The following IL1RAPL2 variants were observed in gnomAD, a reference collection of about 807,000 sequenced individuals.
IL1RAPL2 encodes X-linked interleukin-1 receptor accessory protein-like 2.
A neutral mutation model predicts 44.1 loss-of-function variants in IL1RAPL2; 3 were observed. That is an observed-to-expected ratio of 0.07 (90% confidence interval 0.03 to 0.18). The LOEUF (loss-of-function observed/expected upper bound fraction) is 0.18. Among genes scored for constraint, IL1RAPL2 ranks in the 10% least tolerant of loss-of-function variants. IL1RAPL2 has a pLI of 1.00. For synonymous variants in IL1RAPL2, 181 were observed against 178.8 expected (o/e 1.01, Z -0.10); for missense variants, 391 against 496.4 (o/e 0.79, Z 2.02).
intron 5 of IL1RAPL2, among the ~76,000 whole-genome samples, chrX:105,357,252 A>G (rs1228092686): frequency 8.9e-6 from 1 of 111,829 alleles, no homozygotes; most frequent in East Asian, 2.8e-4. Flanking sequence ...TAGATGAGAT[A>G]ATACATTTAT....
chrX:105,505,156 G>A (rs1011355104), intron 6 of IL1RAPL2, among the ~76,000 whole-genome samples: 2 of 110,757 alleles, frequency 1.8e-5, no homozygotes, highest in Non-Finnish European at 3.8e-5. Flanking sequence ...ACTAATCTCC[G>A]TAAATTTTAA....
At chrX:105,054,168 T>C (rs1039280619) in intron 2 of IL1RAPL2, among the ~76,000 whole-genome samples, 4 of 109,651 alleles carry the variant, frequency 3.6e-5, no homozygotes, top group Admixed American at 9.8e-5. Flanking sequence ...CACACACACA[T>C]ACACACGCAT....
chrX:104,729,322 C>T (rs61247728), intron 2 of IL1RAPL2, among the ~76,000 whole-genome samples: 1 of 110,305 alleles, frequency 9.1e-6, no homozygotes, highest in Non-Finnish European at 1.9e-5. Context: ...GCTTGATCAT[C>T]GTCCCAACTA....
chrX:105,708,959 A>G (rs760256009), intron 6 of IL1RAPL2, among the ~76,000 whole-genome samples: 132 of 112,430 alleles, frequency 1.2e-3, no homozygotes, highest in Non-Finnish European at 3.9e-4. Flanking sequence ...TTTTGCAACT[A>G]TATGCACATT....
intron 2 of IL1RAPL2, among the ~76,000 whole-genome samples, chrX:104,793,767 C>G (rs2147609250): frequency 9.0e-6 from 1 of 111,569 alleles, no homozygotes; most frequent in African/African-American, 3.3e-5. Context: ...TCCTCCTGCA[C>G]CATCACCATT....
intron 5 of IL1RAPL2, among the ~76,000 whole-genome samples, chrX:105,463,218 A>G (rs771118412): frequency 1.8e-5 from 2 of 110,962 alleles, no homozygotes; most frequent in African/African-American, 6.6e-5. Context: ...TTTTCCCTTT[A>G]TTAATAAGTA....
In IL1RAPL2 at chrX:104,797,018, C is replaced by T. The variant is rs753699598; in HGVS notation, c.82+138023C>T. 1.5e-3 allele frequency among the ~76,000 whole-genome samples: 166 copies of T among 110,704 alleles called. 1 individual carries two copies. Among genetic ancestry groups the T allele is most frequent in the African/African-American group, 5.1e-3 (154 of 30,372 alleles). On this transcript the variant is annotated intron_variant, in intron 2 of 10. Transcript: ENST00000372582. ...ACTCCTGACCTCAGGTGATCCCGCCCGCCTCGGCCTCCCAAAGTGCTGGGA... is the reference window on the plus strand; with the variant it reads ...ACTCCTGACCTCAGGTGATCCCGCCTGCCTCGGCCTCCCAAAGTGCTGGGA...
intron 2 of IL1RAPL2, among the ~76,000 whole-genome samples, chrX:104,978,651 T>C (rs1319629892): frequency 4.5e-5 from 5 of 111,659 alleles, no homozygotes; most frequent in Non-Finnish European, 7.5e-5. Flanking sequence ...CAAATGTCAT[T>C]ATATACCTGG....
At chrX:104,754,656 A>G (rs1280432942) in intron 2 of IL1RAPL2, among the ~76,000 whole-genome samples, 1 of 111,733 alleles carries the variant, frequency 8.9e-6, no homozygotes, top group Non-Finnish European at 1.9e-5. Flanking sequence ...GGATATGACA[A>G]TATGATATTT....
At chrX:105,558,675 G>A (rs1408499604) in intron 6 of IL1RAPL2, among the ~76,000 whole-genome samples, 1 of 112,123 alleles carries the variant, frequency 8.9e-6, no homozygotes, top group Non-Finnish European at 1.9e-5. Flanking sequence ...CTCAAACTTT[G>A]TGTACTTTCT....
At chrX:105,640,753 GAT>G (rs1424502272) in intron 6 of IL1RAPL2, among the ~76,000 whole-genome samples, 9 of 27,538 alleles carry the variant, frequency 3.3e-4, no homozygotes, top group East Asian at 2.2e-3. Context: ...GATAGATATA[GAT>G]ATAGATATAG....
chrX:104,634,255 T>C (rs956461095), intron 1 of IL1RAPL2, among the ~76,000 whole-genome samples: 2 of 111,798 alleles, frequency 1.8e-5, no homozygotes, highest in Admixed American at 9.5e-5. Flanking sequence ...AGGAGTGGTT[T>C]ACTTCCAACT....
intron 2 of IL1RAPL2, among the ~76,000 whole-genome samples, chrX:104,998,499 C>G (rs1434453250): frequency 9.0e-6 from 1 of 111,610 alleles, no homozygotes; most frequent in Non-Finnish European, 1.9e-5. Context: ...GTACACCAGT[C>G]TCAGTGGCTC....
At chrX:105,353,951 C>G (rs2035179236) in intron 5 of IL1RAPL2, among the ~76,000 whole-genome samples, 1 of 110,747 alleles carries the variant, frequency 9.0e-6, no homozygotes, top group Non-Finnish European at 1.9e-5. Flanking sequence ...TTGCCCTGGC[C>G]AGAACTTCCA....
chrX:105,730,575 A>C (rs2038397981), intron 7 of IL1RAPL2, among the ~76,000 whole-genome samples: 1 of 111,512 alleles, frequency 9.0e-6, no homozygotes, highest in Admixed American at 9.6e-5. Context: ...TCTTCTCATC[A>C]GCACATCAAC....
At chrX:105,303,407 C>T in intron 5 of IL1RAPL2, among the ~76,000 whole-genome samples, 1 of 111,540 alleles carries the variant, frequency 9.0e-6, no homozygotes, top group South Asian at 3.8e-4. Flanking sequence ...CTAAGGAAAA[C>T]CATTTTCATT....
chrX:105,036,437 A>G (rs185268614), intron 2 of IL1RAPL2, among the ~76,000 whole-genome samples: 32 of 112,262 alleles, frequency 2.9e-4, no homozygotes, highest in African/African-American at 9.0e-4. Flanking sequence ...TCCAAGGCCA[A>G]CGACTACCTC....
intron 5 of IL1RAPL2, among the ~76,000 whole-genome samples, chrX:105,470,275 G>A (rs1178496229): frequency 9.0e-6 from 1 of 111,520 alleles, no homozygotes; most frequent in Admixed American, 9.5e-5. Flanking sequence ...ACTACACAGG[G>A]CAGTTACCAT....
At chrX:104,877,223 A>G (rs1316250083) in intron 2 of IL1RAPL2, among the ~76,000 whole-genome samples, 2 of 111,656 alleles carry the variant, frequency 1.8e-5, no homozygotes, top group African/African-American at 3.3e-5. Context: ...AGCATGATTT[A>G]CAGTCCTTTG....
Sources: gnomAD v4.1 joint callset for allele counts (sites outside exome capture counted in the v4.1 genomes callset) on GRCh38, gnomAD v4.1.1 for gene constraint, MANE v1.5 for transcripts, NCBI Gene and HGNC (gene_info 2026-07-23, HGNC 2026-07-21) for gene names.